CDH13: variants seen among roughly 807,000 people sequenced by gnomAD.
CDH13 encodes the protein cadherin-13.
A neutral mutation model predicts 63.8 loss-of-function variants in CDH13; 24 were observed. The ratio of observed to expected loss-of-function variants is 0.38; its 90% CI spans 0.27 to 0.53. The LOEUF is 0.53. Ranked by LOEUF, CDH13 falls within the 20% of genes least tolerant of loss-of-function variation. The pLI is 0.85. For synonymous variants in CDH13, 503 were observed against 355.3 expected, an observed-to-expected ratio of 1.42 and a Z score of -4.67; for missense variants, 1,049 against 903.1, an observed-to-expected ratio of 1.16 and a Z score of -2.07.
intron 4 of CDH13, among the ~76,000 whole-genome samples, chr16:83,183,488 C>T (rs1437567271): frequency 6.6e-6 from 1 of 152,198 alleles, no homozygotes; most frequent in African/African-American, 2.4e-5. Flanking sequence ...TGGGTACGCA[C>T]CAAGTCCTTT....
At chr16:83,475,800 G>T (rs2073588117) in intron 6 of CDH13, among the ~76,000 whole-genome samples, 1 of 152,202 alleles carries the variant, frequency 6.6e-6, no homozygotes, top group South Asian at 2.1e-4. Flanking sequence ...GGCCAGGTTG[G>T]TCTTGGACTC....
At chr16:82,940,569 G>C (rs929073832) in intron 2 of CDH13, among the ~76,000 whole-genome samples, 2 of 152,198 alleles carry the variant, frequency 1.3e-5, no homozygotes, top group Admixed American at 1.3e-4. Flanking sequence ...AAAGCAAGGA[G>C]AGCTGGATTC....
chr16:82,964,698 G>C (rs888759127), intron 2 of CDH13, among the ~76,000 whole-genome samples: 13 of 152,300 alleles, frequency 8.5e-5, no homozygotes, highest in African/African-American at 2.6e-4. Context: ...GTCAGGTGTA[G>C]CCAGTGTAAT....
chr16:83,712,338 C>G (rs1353055352), intron 10 of CDH13, among the ~76,000 whole-genome samples: 6 of 152,188 alleles, frequency 3.9e-5, no homozygotes, highest in Admixed American at 6.5e-5. Context: ...AACTCCAGGT[C>G]TAGGCACACC....
intron 2 of CDH13, among the ~76,000 whole-genome samples, chr16:82,926,316 A>G (rs1258193565): frequency 6.6e-6 from 1 of 151,880 alleles, no homozygotes; most frequent in Non-Finnish European, 1.5e-5. Context: ...AGGCCAGAAG[A>G]CCATTGTTTT....
intron 3 of CDH13, among the ~76,000 whole-genome samples, chr16:83,038,738 G>T (rs149618868): frequency 1.3e-5 from 2 of 152,120 alleles, no homozygotes; most frequent in Non-Finnish European, 2.9e-5. Context: ...CGTTCCTCAC[G>T]CAGAAATGTC....
At chr16:82,801,267 G>A (rs572239550) in intron 1 of CDH13, among the ~76,000 whole-genome samples, 1 of 152,144 alleles carries the variant, frequency 6.6e-6, no homozygotes, top group Admixed American at 6.5e-5. Flanking sequence ...TCTGCTATCA[G>A]CCTGTTTCTG....
chr16:83,275,091 C>G (rs1456015704), intron 5 of CDH13, among the ~76,000 whole-genome samples: 1 of 152,148 alleles, frequency 6.6e-6, no homozygotes, highest in Non-Finnish European at 1.5e-5. Flanking sequence ...TTGGTCACTC[C>G]TACTATATTC....
At chr16:82,855,042 G>T (rs797011751) in intron 1 of CDH13, among the ~76,000 whole-genome samples, 8 of 152,256 alleles carry the variant, frequency 5.3e-5, no homozygotes, top group African/African-American at 1.9e-4. Flanking sequence ...TGGCCCAGGA[G>T]GGTACTGTGT....
intron 1 of CDH13, among the ~76,000 whole-genome samples, chr16:82,684,286 A>G (rs1914843225): frequency 6.6e-6 from 1 of 152,166 alleles, no homozygotes; most frequent in African/African-American, 2.4e-5. Flanking sequence ...GTCTGACATA[A>G]GGGTTTCCTT....
chr16:83,643,302 G>GAA (rs1033707256), intron 8 of CDH13, among the ~76,000 whole-genome samples: 4 of 71,754 alleles, frequency 5.6e-5, no homozygotes, highest in African/African-American at 1.3e-4. Flanking sequence ...AAAAAAAAAA[G>GAA]AAAAAAAAAA....
At chr16:82,726,825 C>A (rs2033123689) in intron 1 of CDH13, among the ~76,000 whole-genome samples, 3 of 152,182 alleles carry the variant, frequency 2.0e-5, no homozygotes, top group Admixed American at 2.0e-4. Flanking sequence ...CTTACAACTA[C>A]ATCATGAGGA....
At chr16:83,770,379 A>G (rs886314199) in intron 11 of CDH13, among the ~76,000 whole-genome samples, 1 of 152,180 alleles carries the variant, frequency 6.6e-6, no homozygotes, top group African/African-American at 2.4e-5. Flanking sequence ...AATAGCCAGA[A>G]AGCTCCAGGG....
chr16:83,511,116 A>ACACACATGCACATGTGCACACATGCACG (rs2074551168), intron 7 of CDH13, among the ~76,000 whole-genome samples: 1 of 124,954 alleles, frequency 8.0e-6, no homozygotes, highest in Non-Finnish European at 1.7e-5. Flanking sequence ...ACGCATGCAC[A>ACACACATGCACATGTGCACACATGCACG]CACATGCACA....
intron 5 of CDH13, among the ~76,000 whole-genome samples, chr16:83,269,874 C>T (rs538804096): frequency 6.6e-6 from 1 of 152,154 alleles, no homozygotes; most frequent in African/African-American, 2.4e-5. Flanking sequence ...ATTTGTCTGT[C>T]CTGCTTCCTC....
intron 5 of CDH13, among the ~76,000 whole-genome samples, chr16:83,334,537 A>G (rs1318059005): frequency 6.9e-5 from 1 of 14,454 alleles, no homozygotes; most frequent in Non-Finnish European, 3.1e-4. Flanking sequence ...ACTCCTGGCT[A>G]GTTTAAAAAA....
intron 1 of CDH13, among the ~76,000 whole-genome samples, chr16:82,698,491 G>A (rs894808183): frequency 3.3e-5 from 5 of 152,236 alleles, no homozygotes; most frequent in Non-Finnish European, 7.3e-5. Context: ...CAGTTAGGTG[G>A]CTCTGCTGAT....
chr16:83,523,480 TCACC>T (rs1460627681), intron 7 of CDH13, among the ~76,000 whole-genome samples: 34 of 152,092 alleles, frequency 2.2e-4, no homozygotes, highest in African/African-American at 8.2e-4. Flanking sequence ...GAAGAGAAAC[TCACC>T]TCCCACCCTG....
At chr16:82,676,056 A>G (rs1336860667) in intron 1 of CDH13, among the ~76,000 whole-genome samples, 3 of 152,222 alleles carry the variant, frequency 2.0e-5, no homozygotes, top group African/African-American at 7.2e-5. Context: ...TTAAGCCCCC[A>G]GTCTGTGCCT....
Sources: allele counts gnomAD v4.1 joint callset (sites outside exome capture counted in the v4.1 genomes callset), GRCh38; gene constraint gnomAD v4.1.1; transcripts MANE v1.5; gene names NCBI Gene and HGNC (gene_info 2026-07-23, HGNC 2026-07-21).